Variants in MDGA2 observed in about 807,000 individuals in gnomAD.
MDGA2 encodes MAM domain containing glycosylphosphatidylinositol anchor 2, also known as MAM domain-containing glycosylphosphatidylinositol anchor protein 2.
MDGA2 carries 40 observed loss-of-function variants against 117.8 expected under a neutral mutation model. The ratio of observed to expected loss-of-function variants is 0.34; its 90% CI spans 0.26 to 0.44. The LOEUF (loss-of-function observed/expected upper bound fraction) is 0.44, where lower values mean the gene tolerates loss of function less well. Ranked by LOEUF, MDGA2 falls within the 20% of genes least tolerant of loss-of-function variation. The probability of loss-of-function intolerance (pLI) is 1.00; values close to 1 mark genes in which losing one functional copy is unlikely to be tolerated. For synonymous variants in MDGA2, 452 were observed against 439.0 expected, an observed-to-expected ratio of 1.03 and a Z score of -0.37; for missense variants, 1,123 against 1,250.6, an observed-to-expected ratio of 0.90 and a Z score of 1.54.
chr14:47,615,530 T>C (rs1222264743), intron 1 of MDGA2, among the ~76,000 whole-genome samples: 6 of 152,148 alleles, frequency 3.9e-5, no homozygotes, highest in Non-Finnish European at 7.3e-5. Context: ...CTACACTAAG[T>C]AGAATAGTAA....
intron 1 of MDGA2, among the ~76,000 whole-genome samples, chr14:47,351,263 G>T (rs1319030807): frequency 6.6e-6 from 1 of 151,788 alleles, no homozygotes; most frequent in African/African-American, 2.4e-5. Flanking sequence ...TATATTTTTA[G>T]TAGAGACGGG....
At chr14:47,494,938 T>TAC (rs1288837783) in intron 1 of MDGA2, among the ~76,000 whole-genome samples, 2 of 150,718 alleles carry the variant, frequency 1.3e-5, no homozygotes, top group Admixed American at 1.3e-4. Flanking sequence ...ATTTTACATA[T>TAC]ACACACACAT....
intron 8 of MDGA2, among the ~76,000 whole-genome samples, chr14:47,000,535 T>C (rs1352007173): frequency 6.7e-6 from 1 of 149,840 alleles, no homozygotes; most frequent in Non-Finnish European, 1.5e-5. Flanking sequence ...TATATCATGA[T>C]ATTTAAATAT....
chr14:47,589,517 A>T (rs1896396208), intron 1 of MDGA2, among the ~76,000 whole-genome samples: 1 of 152,012 alleles, frequency 6.6e-6, no homozygotes, highest in African/African-American at 2.4e-5. Flanking sequence ...GCCAGACTCT[A>T]ATCCATTGAT....
At chr14:47,445,998 CT>C (rs1893114329) in intron 1 of MDGA2, among the ~76,000 whole-genome samples, 1 of 152,120 alleles carries the variant, frequency 6.6e-6, no homozygotes, top group African/African-American at 2.4e-5. Flanking sequence ...GGGTCAATAC[CT>C]TATGTGACAA....
At chr14:47,626,544 G>C (rs1047909706) in intron 1 of MDGA2, 1 of 152,634 alleles carries the variant, frequency 6.6e-6, no homozygotes, top group South Asian at 2.1e-4. Flanking sequence ...CAGCTTGCAG[G>C]GAGGTGCCGA....
intron 8 of MDGA2, among the ~76,000 whole-genome samples, chr14:47,016,832 T>C (rs1185885715): frequency 3.3e-5 from 5 of 152,092 alleles, no homozygotes; most frequent in African/African-American, 1.2e-4. Flanking sequence ...CCACCTCGTA[T>C]AGATCCAAGT....
chr14:47,506,422 T>C (rs1203747431), intron 1 of MDGA2, among the ~76,000 whole-genome samples: 1 of 152,216 alleles, frequency 6.6e-6, no homozygotes, highest in Non-Finnish European at 1.5e-5. Flanking sequence ...CAAATGCAAG[T>C]GTCGTGTGCA....
intron 3 of MDGA2, among the ~76,000 whole-genome samples, chr14:47,193,657 C>T (rs1885190046): frequency 6.6e-6 from 1 of 152,158 alleles, no homozygotes; most frequent in Non-Finnish European, 1.5e-5. Flanking sequence ...CAGAAAGCTA[C>T]TAATTAGTGT....
chr14:46,925,406 A>G (rs1884288011), intron 9 of MDGA2, among the ~76,000 whole-genome samples: 1 of 151,980 alleles, frequency 6.6e-6, no homozygotes, highest in Non-Finnish European at 1.5e-5. Context: ...TCAAGGTGGG[A>G]GGATCACTTG....
rs201359300 is a variant in MDGA2 at position 47,428,776 on chromosome 14, CATAA to C, written c.281-127230_281-127227del. On this transcript the variant is annotated intron_variant, in intron 1 of 16. Coordinates refer to ENST00000399232, the MANE Select transcript of MDGA2 (RefSeq NM_001113498.3). ...ATTTGTGTATACATACCCACACATA[CATAA>C]ATATACATGTATATATGTAAAATAC... Among the ~76,000 whole-genome samples, 53 of 151,984 alleles carry C rather than the reference CATAA, an allele frequency of 3.5e-4. No individual in the cohort carries two copies. The East Asian group carries it at 8.9e-3, about 26-fold the overall frequency.
chr14:47,465,235 G>C (rs1040252718), intron 1 of MDGA2, among the ~76,000 whole-genome samples: 2 of 152,122 alleles, frequency 1.3e-5, no homozygotes, highest in Non-Finnish European at 2.9e-5. Context: ...AACCCTGGCA[G>C]ATAACCTAGG....
rs546149088 is a variant in MDGA2, at chr14:47,377,237, G to C, written c.281-75687C>G. On this transcript the variant is annotated intron_variant, in intron 1 of 16. Transcript: ENST00000399232. ...GATAAAGCTGAAGAAAAATATACTG[G>C]ATTACAGTCATTCCAAGATGGCCAA... 7.5e-4 allele frequency among the ~76,000 whole-genome samples: 114 copies of C among 152,176 alleles called. 1 individual carries two copies. Among genetic ancestry groups the C allele is most frequent in the Non-Finnish European group, 1.2e-3 (84 of 68,018 alleles).
chr14:47,378,041 T>C (rs1891520660), intron 1 of MDGA2, among the ~76,000 whole-genome samples: 1 of 152,144 alleles, frequency 6.6e-6, no homozygotes, highest in African/African-American at 2.4e-5. Context: ...CAGCAACATT[T>C]GCCGTTCTGC....
chr14:47,257,344 C>G (rs1887657036), intron 2 of MDGA2, among the ~76,000 whole-genome samples: 1 of 152,046 alleles, frequency 6.6e-6, no homozygotes, highest in Admixed American at 6.6e-5. Context: ...TCTTGTTTTG[C>G]CTCGGATATT....
chr14:46,988,788 T>A (rs771962004), intron 8 of MDGA2, among the ~76,000 whole-genome samples: 5 of 152,092 alleles, frequency 3.3e-5, no homozygotes, highest in Non-Finnish European at 5.9e-5. Context: ...CCAGCAGGAA[T>A]GAGATGTATT....
intron 6 of MDGA2, among the ~76,000 whole-genome samples, chr14:47,061,926 A>C (rs563730995): frequency 6.6e-6 from 1 of 152,178 alleles, no homozygotes. Context: ...ATAGCATATT[A>C]AAATTAAAAG....
chr14:46,962,378 C>A (rs146276546), intron 8 of MDGA2, among the ~76,000 whole-genome samples: 1 of 152,206 alleles, frequency 6.6e-6, no homozygotes, highest in Non-Finnish European at 1.5e-5. Context: ...TCCTACCCTA[C>A]AGATATAATC....
intron 4 of MDGA2, among the ~76,000 whole-genome samples, 199 bp from the exon 5 acceptor site, chr14:47,132,045 A>G (rs1417026436): frequency 6.6e-6 from 1 of 152,014 alleles, no homozygotes; most frequent in African/African-American, 2.4e-5. Context: ...ATTTTAAAAT[A>G]ATACTGTAAT....
Sources: allele counts gnomAD v4.1 joint callset (sites outside exome capture counted in the v4.1 genomes callset), GRCh38; gene constraint gnomAD v4.1.1; transcripts MANE v1.5; gene names NCBI Gene and HGNC (gene_info 2026-07-23, HGNC 2026-07-21).